MGAT4A: variants seen among roughly 807,000 people sequenced by gnomAD.
MGAT4A encodes N-acetylglucosaminyltransferase IVa.
In MGAT4A, 33 loss-of-function variants were observed where a neutral mutation model predicts 74.1. The ratio of observed to expected loss-of-function variants is 0.45; its 90% CI spans 0.34 to 0.60. The LOEUF is 0.60. MGAT4A is among the 20% of genes least tolerant of loss of function. The probability of loss-of-function intolerance (pLI) is 0.02; values close to 1 mark genes in which losing one functional copy is unlikely to be tolerated. For missense variants in MGAT4A, 479 were observed against 628.3 expected (o/e 0.76, Z 2.54); for synonymous variants, 198 against 210.4 (o/e 0.94, Z 0.51).
At position 98,622,791 on chromosome 2, in the gene MGAT4A, C is replaced by CA; in HGVS notation, c.*2774dup. ...AGACAGCACACACCATACACACAAA[C>CA]AATCAAAAACTAGACAACCGATTGT... is the stretch of plus-strand genomic sequence containing the variant. On this transcript the variant is annotated 3_prime_UTR_variant, in exon 16 of 16. Transcript: ENST00000393487. 1 of 985,606 alleles carries CA rather than the reference C, an allele frequency of 1.0e-6. No homozygotes were observed. The allele number at this position is 985,606 out of a possible 1,614,324, so 61.1% of individuals were successfully genotyped here. A position where few individuals can be genotyped will look rare whatever the true frequency, so the allele number is the denominator to read the frequency against.
chr2:98,652,845 G>A (rs1197442544), intron 8 of MGAT4A, among the ~76,000 whole-genome samples: 1 of 148,998 alleles, frequency 6.7e-6, no homozygotes, highest in Non-Finnish European at 1.5e-5. Context: ...TTGAACTCTT[G>A]AACTCCTGAA....
At chr2:98,634,992 AC>A (rs1183989221) in intron 14 of MGAT4A, among the ~76,000 whole-genome samples, 2 of 152,224 alleles carry the variant, frequency 1.3e-5, no homozygotes, top group East Asian at 3.9e-4. Flanking sequence ...GGGAGCATCA[AC>A]AAGAGCATGA....
rs146130900 is a variant in MGAT4A at position 98,630,521 on chromosome 2, G to T, written c.1469-4686C>A. ...GAAGAGAAGAGAAGCTATTAGGGAC[G>T]GACAGCTGAATTGGCACATCTTAAG... is the stretch of plus-strand genomic sequence containing the variant. On this transcript the variant is annotated intron_variant, in intron 14 of 15. Transcript: ENST00000393487. Among the ~76,000 whole-genome samples the T allele has an allele frequency of 5.5e-3, 844 of 152,124 alleles. 11 individuals are homozygous for T. The highest frequency in any genetic ancestry group is 0.019 in the African/African-American group (789 of 41,490).
intron 12 of MGAT4A, 96 bp from the exon 13 acceptor site, chr2:98,636,691 A>G (rs1287738366): frequency 3.0e-6 from 3 of 1,007,362 alleles, no homozygotes; most frequent in Non-Finnish European, 4.6e-6. Flanking sequence ...TTTTCTACAC[A>G]AGACTCTAAG....
chr2:98,652,813 C>T (rs936802911), intron 8 of MGAT4A, among the ~76,000 whole-genome samples: 47 of 151,740 alleles, frequency 3.1e-4, no homozygotes, highest in Middle Eastern at 6.8e-3. Context: ...GACAGGATTT[C>T]GTCATGTTGC....
intron 2 of MGAT4A, among the ~76,000 whole-genome samples, chr2:98,723,389 C>A (rs376456744): frequency 1.4e-4 from 22 of 152,152 alleles, no homozygotes; most frequent in Non-Finnish European, 2.9e-4. Context: ...CTGGGTACAA[C>A]GTAGCAGTTA....
In MGAT4A at chr2:98,726,558, T is replaced by C; in HGVS notation, c.-226A>G. On this transcript the variant is annotated 5_prime_UTR_variant, in exon 2 of 16. Coordinates refer to ENST00000393487, the MANE Select transcript of MGAT4A (RefSeq NM_012214.3). ...GTCTTCACACGCTGATGCCTCGGCC[T>C]TTTCCCTTCCTATTCAGGGGAAAAG... is the stretch of plus-strand genomic sequence containing the variant. The C allele has an allele frequency of 4.8e-6, 2 of 414,096 alleles. No homozygotes were observed. Among genetic ancestry groups the C allele is most frequent in the Non-Finnish European group, 4.3e-6 (1 of 234,304 alleles). 25.7% of individuals were successfully genotyped at this position (414,096 alleles called of 1,614,324 possible).
intron 2 of MGAT4A, among the ~76,000 whole-genome samples, chr2:98,685,513 T>C (rs1054713938): frequency 1.3e-5 from 2 of 151,962 alleles, no homozygotes; most frequent in Non-Finnish European, 1.5e-5. Flanking sequence ...TTCCCACTTA[T>C]AAACCTCTTA....
rs550764612 is a variant in MGAT4A, at chr2:98,643,412, A to G, written c.1020+511T>C. Among the ~76,000 whole-genome samples, 3 of 152,334 alleles carry G rather than the reference A, an allele frequency of 2.0e-5. No individual in the cohort carries two copies. In the South Asian group the frequency reaches 6.2e-4, roughly 32 times the overall value. On this transcript the variant is annotated intron_variant, in intron 10 of 15. Coordinates refer to ENST00000393487, the MANE Select transcript of MGAT4A (RefSeq NM_012214.3). ...ATTATTATTCACTTACTTGACTGCAACTATTATCCCAAAGGTAATCATATT... is the reference window on the plus strand; with the variant it reads ...ATTATTATTCACTTACTTGACTGCAGCTATTATCCCAAAGGTAATCATATT...
rs143251781 is a variant in MGAT4A, at chr2:98,676,426, T to G, written c.263-1251A>C. The stretch of plus-strand genomic sequence containing the variant: ...GTAATTTCCCTTTTAAGAATTTAGC[T>G]TCTATGCATTCAACAAATATTTAGT... On this transcript the variant is annotated intron_variant, in intron 3 of 15. Coordinates refer to ENST00000393487, the MANE Select transcript of MGAT4A (RefSeq NM_012214.3). Among the ~76,000 whole-genome samples the G allele has an allele frequency of 4.6e-5, 7 of 152,326 alleles. No homozygotes were observed. In the East Asian group the frequency reaches 1.2e-3, roughly 25 times the overall value.
At chr2:98,698,756 G>A (rs1446419760) in intron 2 of MGAT4A, among the ~76,000 whole-genome samples, 3 of 152,038 alleles carry the variant, frequency 2.0e-5, no homozygotes, top group Non-Finnish European at 2.9e-5. Flanking sequence ...ATTGCTCTAC[G>A]TTCATGCTGT....
At chr2:98,652,477 G>A (rs1425804752) in intron 8 of MGAT4A, among the ~76,000 whole-genome samples, 3 of 151,718 alleles carry the variant, frequency 2.0e-5, no homozygotes, top group Non-Finnish European at 2.9e-5. Context: ...ACTACTAGGC[G>A]CCCGCCACCA....
intron 2 of MGAT4A, among the ~76,000 whole-genome samples, chr2:98,708,119 G>A (rs971783522): frequency 2.0e-5 from 3 of 151,830 alleles, no homozygotes; most frequent in Non-Finnish European, 4.4e-5. Flanking sequence ...TCAATGTTAG[G>A]GGTATTTTAG....
chr2:98,691,263 G>A (rs982412890), intron 2 of MGAT4A, among the ~76,000 whole-genome samples: 7 of 152,140 alleles, frequency 4.6e-5, no homozygotes, highest in African/African-American at 1.7e-4. Context: ...AGACCAGCCT[G>A]AGCAAATCAG....
rs1290604582 is a variant in MGAT4A, at chr2:98,701,418, C to CA, written c.95-22948dup. ...GATTAGTAATGTTTCTGAAGCAGCA[C>CA]AAAAAAATCAGTTAATGTTCTGTAA... On this transcript the variant is annotated intron_variant, in intron 2 of 15. Coordinates refer to ENST00000393487, the MANE Select transcript of MGAT4A (RefSeq NM_012214.3). Among the ~76,000 whole-genome samples the CA allele has an allele frequency of 3.3e-5, 5 of 152,222 alleles. No homozygotes were observed. In the South Asian group the frequency reaches 6.2e-4, roughly 19 times the overall value.
At chr2:98,652,867 T>G (rs548857067) in intron 8 of MGAT4A, among the ~76,000 whole-genome samples, 1 of 152,196 alleles carries the variant, frequency 6.6e-6, no homozygotes, top group African/African-American at 2.4e-5. Flanking sequence ...TCAAGTGACC[T>G]GCCCACCTCA....
intron 2 of MGAT4A, among the ~76,000 whole-genome samples, chr2:98,716,307 G>A (rs1360513460): frequency 6.6e-6 from 1 of 152,142 alleles, no homozygotes. Context: ...CTGTGTGACA[G>A]AGTGAGACCC....
intron 2 of MGAT4A, among the ~76,000 whole-genome samples, chr2:98,719,194 G>GT (rs1424753552): frequency 6.6e-6 from 1 of 152,112 alleles, no homozygotes; most frequent in Non-Finnish European, 1.5e-5. Context: ...ATCGGACACT[G>GT]ACCTTAGAAA....
At chr2:98,654,981 C>T (rs1033011762) in intron 8 of MGAT4A, among the ~76,000 whole-genome samples, 2 of 151,962 alleles carry the variant, frequency 1.3e-5, no homozygotes, top group African/African-American at 4.8e-5. Context: ...TGTTGTGCTG[C>T]TAAAAATAAT....
Sources: allele counts gnomAD v4.1 joint callset (sites outside exome capture counted in the v4.1 genomes callset), GRCh38; gene constraint gnomAD v4.1.1; transcripts MANE v1.5; gene names NCBI Gene and HGNC (gene_info 2026-07-23, HGNC 2026-07-21).